The following PRR16 variants were observed in gnomAD, a reference collection of about 807,000 sequenced individuals.
PRR16 encodes the protein proline rich 16.
Under a neutral mutation model 18.2 loss-of-function variants are expected in PRR16, and 6 were observed. The observed-to-expected ratio is 0.33, with a 90% CI of 0.18 to 0.65. The LOEUF is 0.65. Among genes scored for constraint, PRR16 ranks in the 30% least tolerant of loss-of-function variants. The pLI is 0.74. For synonymous variants in PRR16, 151 were observed against 147.8 expected, an observed-to-expected ratio of 1.02 and a Z score of -0.16; for missense variants, 412 against 376.6, an observed-to-expected ratio of 1.09 and a Z score of -0.78.
chr5:120,577,603 G>A lies in PRR16; in HGVS notation c.160-108351G>A, dbSNP rs572178084. ...TCTTTTTGCACAAGTCAATGCCACA[G>A]GAAAGAACACAAATGTTTACTTTGG... On this transcript the variant is annotated intron_variant, in intron 1 of 1. Transcript: ENST00000407149. Among the ~76,000 whole-genome samples the A allele has an allele frequency of 2.2e-4, 34 of 152,236 alleles. 1 individual carries two copies. Among genetic ancestry groups the A allele is most frequent in the Admixed American group, 1.2e-3 (18 of 15,278 alleles).
chr5:120,612,999 C>T (rs111538325), intron 1 of PRR16, among the ~76,000 whole-genome samples: 177 of 152,198 alleles, frequency 1.2e-3, no homozygotes, highest in African/African-American at 3.9e-3. Context: ...GTGCTATTTT[C>T]TGTAACTCAA....
At chr5:120,662,967 G>C (rs1756227488) in intron 1 of PRR16, among the ~76,000 whole-genome samples, 1 of 152,090 alleles carries the variant, frequency 6.6e-6, no homozygotes, top group South Asian at 2.1e-4. Flanking sequence ...AGGCTTGTGG[G>C]AAATGTCTTT....
chr5:120,697,149 C>T, the PRR16 span, among the ~76,000 whole-genome samples: 1 of 152,072 alleles, frequency 6.6e-6, no homozygotes, highest in Non-Finnish European at 1.5e-5. Flanking sequence ...CTTTTTCCTC[C>T]CAGGAAGCAT....
chr5:120,550,944 A>G (rs1752235426), intron 1 of PRR16, among the ~76,000 whole-genome samples: 1 of 152,044 alleles, frequency 6.6e-6, no homozygotes, highest in African/African-American at 2.4e-5. Flanking sequence ...TATTCAAAGT[A>G]TACAATGTGA....
intron 1 of PRR16, among the ~76,000 whole-genome samples, chr5:120,515,325 A>G (rs886925586): frequency 1.3e-5 from 2 of 152,132 alleles, no homozygotes; most frequent in Non-Finnish European, 2.9e-5. Context: ...CTCTCAATAC[A>G]TTTGCACAGA....
the PRR16 span, among the ~76,000 whole-genome samples, chr5:120,731,616 G>A: frequency 1.3e-5 from 2 of 152,148 alleles, no homozygotes; most frequent in African/African-American, 4.8e-5. Flanking sequence ...ACCACTGACA[G>A]AAAAGACAGA....
the PRR16 span, among the ~76,000 whole-genome samples, chr5:120,754,294 T>A: frequency 4.2e-5 from 2 of 47,700 alleles, no homozygotes; most frequent in East Asian, 1.9e-3. Context: ...ATATATAATA[T>A]ATAATATATA....
At chr5:120,571,425 A>G (rs1473549858) in intron 1 of PRR16, among the ~76,000 whole-genome samples, 1 of 152,132 alleles carries the variant, frequency 6.6e-6, no homozygotes, top group Non-Finnish European at 1.5e-5. Flanking sequence ...ACAATAAATA[A>G]TGGTAAGATA....
At chr5:120,527,641 A>G (rs1751414550) in intron 1 of PRR16, among the ~76,000 whole-genome samples, 1 of 152,208 alleles carries the variant, frequency 6.6e-6, no homozygotes, top group Admixed American at 6.5e-5. Context: ...GGGAATATGC[A>G]TGGGTTCCTG....
intron 1 of PRR16, among the ~76,000 whole-genome samples, chr5:120,587,772 G>T (rs73252059): frequency 0.051 from 7,756 of 152,210 alleles, 485 homozygotes; most frequent in African/African-American, 0.15. Flanking sequence ...CAGCCATTCT[G>T]CAGCTCATAG....
chr5:120,538,065 C>T (rs549874379), intron 1 of PRR16, among the ~76,000 whole-genome samples: 4 of 151,984 alleles, frequency 2.6e-5, no homozygotes, highest in Admixed American at 6.5e-5. Flanking sequence ...CGTGAGCCAC[C>T]GCGCCCGGCC....
chr5:120,754,778 C>G, the PRR16 span, among the ~76,000 whole-genome samples: 2 of 149,582 alleles, frequency 1.3e-5, no homozygotes, highest in Admixed American at 1.4e-4. Context: ...CTTTACTTTT[C>G]TTTATTGCTA....
intron 1 of PRR16, among the ~76,000 whole-genome samples, chr5:120,629,491 T>C (rs182272362): frequency 2.6e-5 from 4 of 152,258 alleles, no homozygotes; most frequent in Admixed American, 1.3e-4. Flanking sequence ...CTCTTCAACA[T>C]TGAAAGCATC....
At chr5:120,549,842 T>C (rs963533378) in intron 1 of PRR16, among the ~76,000 whole-genome samples, 2 of 152,034 alleles carry the variant, frequency 1.3e-5, no homozygotes, top group Non-Finnish European at 2.9e-5. Flanking sequence ...AGGGATACAA[T>C]GCAGAGTAAA....
intron 1 of PRR16, among the ~76,000 whole-genome samples, chr5:120,581,466 C>A (rs141617434): frequency 1.3e-5 from 2 of 152,084 alleles, no homozygotes; most frequent in African/African-American, 4.8e-5. Flanking sequence ...TTTCAAAAAA[C>A]CAGCTCCTGG....
chr5:120,675,724 G>A (rs945691745), intron 1 of PRR16, among the ~76,000 whole-genome samples: 1 of 152,082 alleles, frequency 6.6e-6, no homozygotes, highest in African/African-American at 2.4e-5. Context: ...TATCTTCAAT[G>A]TCTTACATAT....
At chr5:120,704,303 T>A in the PRR16 span, among the ~76,000 whole-genome samples, 4 of 152,110 alleles carry the variant, frequency 2.6e-5, no homozygotes, top group African/African-American at 9.7e-5. Context: ...GGAGGCCTGG[T>A]TTCTATGAGT....
the PRR16 span, among the ~76,000 whole-genome samples, chr5:120,784,565 T>C: frequency 6.6e-6 from 1 of 152,116 alleles, no homozygotes; most frequent in Non-Finnish European, 1.5e-5. Flanking sequence ...AGGAACTCAA[T>C]AACCAGAATA....
At chr5:120,588,593 CATA>C (rs1753529186) in intron 1 of PRR16, among the ~76,000 whole-genome samples, 1 of 152,098 alleles carries the variant, frequency 6.6e-6, no homozygotes, top group Non-Finnish European at 1.5e-5. Flanking sequence ...TTTTTTTAGA[CATA>C]ATGCTATTAC....
Sources: allele counts gnomAD v4.1 joint callset (sites outside exome capture counted in the v4.1 genomes callset), GRCh38; gene constraint gnomAD v4.1.1; transcripts MANE v1.5; gene names NCBI Gene and HGNC (gene_info 2026-07-23, HGNC 2026-07-21).